The following ZCCHC2 variants were observed in gnomAD, a reference collection of about 807,000 sequenced individuals.
ZCCHC2 encodes the protein zinc finger CCHC domain-containing protein 2.
In ZCCHC2, 39 loss-of-function variants were observed where a neutral mutation model predicts 103.6. The observed-to-expected ratio is 0.38, with a 90% CI of 0.29 to 0.49. The LOEUF is 0.49. ZCCHC2 is among the 20% of genes least tolerant of loss of function. ZCCHC2 has a pLI of 0.96. For missense variants in ZCCHC2, 1,483 were observed against 1,491.0 expected, an observed-to-expected ratio of 0.99 and a Z score of 0.09; for synonymous variants, 687 against 608.9, an observed-to-expected ratio of 1.13 and a Z score of -1.89.
intron 3 of ZCCHC2, among the ~76,000 whole-genome samples, chr18:62,544,146 G>A (rs1184386553): frequency 2.6e-5 from 4 of 152,136 alleles, no homozygotes; most frequent in African/African-American, 4.8e-5. Context: ...GAAAAGCATC[G>A]AGGAGGTAGT....
chr18:62,560,609 C>T lies in ZCCHC2; in HGVS notation c.1515C>T (p.Ile505=). 1 of 1,613,416 alleles carries T rather than the reference C, an allele frequency of 6.2e-7. No homozygotes were observed. Among genetic ancestry groups the T allele is most frequent in the Non-Finnish European group, 8.5e-7 (1 of 1,179,596 alleles). The change falls in exon 8 of 14, where the codon ATC becomes ATT. Residue 505 remains isoleucine, a synonymous_variant. Transcript: ENST00000269499. ...QEEDVLQHAI[I]HKKHTGKSPI... ...TAGATGTGTTGCAGCATGCCATAAT[C>T]CACAAGAAGCATACTGGGAAAAGTC... is the stretch of plus-strand genomic sequence containing the variant.
At chr18:62,584,281 G>A (rs941204281) in intron 14 of ZCCHC2, among the ~76,000 whole-genome samples, 8 of 152,092 alleles carry the variant, frequency 5.3e-5, no homozygotes, top group Non-Finnish European at 1.2e-4. Context: ...TGTGGGGACC[G>A]GAGACCCTTC....
intron 4 of ZCCHC2, among the ~76,000 whole-genome samples, chr18:62,548,584 A>G (rs1915519822): frequency 6.6e-6 from 1 of 152,238 alleles, no homozygotes; most frequent in East Asian, 1.9e-4. Flanking sequence ...CTGTATTAAA[A>G]TGCTAATATC....
intron 1 of ZCCHC2, among the ~76,000 whole-genome samples, chr18:62,534,439 A>G (rs1272043679): frequency 1.3e-5 from 2 of 152,022 alleles, no homozygotes; most frequent in Non-Finnish European, 2.9e-5. Context: ...ATATTAACCT[A>G]TTTTCTTATT....
At chr18:62,525,213 T>C (rs1461792366) in intron 1 of ZCCHC2, 2 of 152,208 alleles carry the variant, frequency 1.3e-5, no homozygotes, top group African/African-American at 4.8e-5. Flanking sequence ...CACCAAAATG[T>C]AGTAGACGAG....
At chr18:62,572,255 A>G (rs1916625555) in intron 12 of ZCCHC2, among the ~76,000 whole-genome samples, 1 of 152,172 alleles carries the variant, frequency 6.6e-6, no homozygotes, top group Non-Finnish European at 1.5e-5. Context: ...AGAATAGACA[A>G]ACTTTCAGTA....
In ZCCHC2 at chr18:62,558,695, C is replaced by G; in HGVS notation, c.1417C>G (p.Gln473Glu). 1.3e-6 allele frequency: 2 copies of G among 1,523,410 alleles called. No homozygotes were observed. Among genetic ancestry groups the G allele is most frequent in the Non-Finnish European group, 1.8e-6 (2 of 1,134,600 alleles). 94.4% of individuals were successfully genotyped at this position (1,523,410 alleles called of 1,614,324 possible). ...TTGAATGCTTCCTGCAGATAACTTA[C>G]AATCCTCTCTGAAGACTTCTAAGAT... ...SDSLHSINNL[Q>E]SSLKTSKILE... The change falls in exon 7 of 14, where the codon CAA (glutamine) becomes GAA (glutamate). Residue 473 changes from glutamine to glutamate, a missense_variant. Transcript: ENST00000269499.
chr18:62,524,700 G>C (rs1914275928), intron 1 of ZCCHC2: 1 of 318,006 alleles, frequency 3.1e-6, no homozygotes, highest in Non-Finnish European at 5.7e-6. Flanking sequence ...TTTTGGCTCT[G>C]AGCATCTCAG....
rs1422233517 is a variant in ZCCHC2 at position 62,524,225 on chromosome 18, G to T, written c.801G>T (p.Ser267=). 16 of 1,549,986 alleles carry T rather than the reference G, an allele frequency of 1.0e-5. 1 individual carries two copies. In the African/African-American group the frequency reaches 1.1e-4, roughly 11 times the overall value. Residue 267 remains serine (S), a synonymous_variant, in exon 1 of 14, where the codon TCG becomes TCT. Coordinates refer to ENST00000269499, the MANE Select transcript of ZCCHC2 (RefSeq NM_017742.6). ...TGCTGCTGCTCTTCACCATGGCCTC[G>T]CTGCACCCGGCTTTCTCCTTCCACC... ...EELLLLFTMA[S]LHPAFSFHQR...
In ZCCHC2 at chr18:62,552,659, G is replaced by A. The variant is rs879892956; in HGVS notation, c.1313+2199G>A. On this transcript the variant is annotated intron_variant, in intron 5 of 13. Transcript: ENST00000269499. ...CATGCCTGTAGTCACAGCCCTTTGC[G>A]AGGCCAAGACAGGAGGATCATTTGA... Among the ~76,000 whole-genome samples the A allele has an allele frequency of 2.6e-5, 4 of 152,076 alleles. No individual in the cohort carries two copies. In the South Asian group the frequency reaches 6.2e-4, roughly 24 times the overall value.
chr18:62,566,201 C>T (rs1394517848), intron 11 of ZCCHC2, among the ~76,000 whole-genome samples: 4 of 152,138 alleles, frequency 2.6e-5, no homozygotes, highest in South Asian at 2.1e-4. Context: ...GCCACGACTG[C>T]GCCATTGCAC....
chr18:62,540,272 C>A (rs190287796), intron 2 of ZCCHC2, among the ~76,000 whole-genome samples: 4 of 152,112 alleles, frequency 2.6e-5, no homozygotes, highest in Non-Finnish European at 4.4e-5. Context: ...GGAATGAATT[C>A]AAATTATTCT....
chr18:62,573,408 G>T (rs1916668326), intron 12 of ZCCHC2, among the ~76,000 whole-genome samples: 1 of 152,146 alleles, frequency 6.6e-6, no homozygotes, highest in Non-Finnish European at 1.5e-5. Context: ...GTTTGTATTT[G>T]CTGTTTTGCT....
rs111915113 is a variant in ZCCHC2 at position 62,567,490 on chromosome 18, A to G, written c.1846+2394A>G. On this transcript the variant is annotated intron_variant, in intron 11 of 13. Coordinates refer to ENST00000269499, the MANE Select transcript of ZCCHC2 (RefSeq NM_017742.6). ...ATGTAGCTCAGAATTTCAAAAGAAA[A>G]CAAAGATCGCTCCCAGCCCTCCTCT... Among the ~76,000 whole-genome samples the G allele has an allele frequency of 4.5e-3, 686 of 152,344 alleles. 1 individual carries two copies. Among genetic ancestry groups the G allele is most frequent in the Non-Finnish European group, 7.0e-3 (474 of 68,030 alleles).
intron 11 of ZCCHC2, among the ~76,000 whole-genome samples, chr18:62,565,982 C>T (rs1427735761): frequency 3.9e-5 from 6 of 152,174 alleles, no homozygotes; most frequent in African/African-American, 1.4e-4. Context: ...CGGTGACTCA[C>T]ACCTGTAATC....
At chr18:62,525,697 C>A (rs1413692657) in intron 1 of ZCCHC2, among the ~76,000 whole-genome samples, 24 of 151,602 alleles carry the variant, frequency 1.6e-4, no homozygotes, top group Admixed American at 1.6e-3. Flanking sequence ...TGTTTTGGGA[C>A]GTATTTTATC....
intron 1 of ZCCHC2, among the ~76,000 whole-genome samples, chr18:62,529,885 T>G (rs1280438454): frequency 6.6e-6 from 1 of 152,220 alleles, no homozygotes; most frequent in East Asian, 1.9e-4. Context: ...GGAAAAATAT[T>G]GCACGTGTAC....
At chr18:62,564,721 T>G in intron 10 of ZCCHC2, 86 bp downstream of exon 10, 1 of 1,043,242 alleles carries the variant, frequency 9.6e-7, no homozygotes, top group Non-Finnish European at 1.4e-6. Context: ...AGTATTTTTT[T>G]AGTTAGTTTT....
intron 11 of ZCCHC2, among the ~76,000 whole-genome samples, chr18:62,566,372 A>G (rs1916364023): frequency 6.6e-6 from 1 of 152,202 alleles, no homozygotes; most frequent in African/African-American, 2.4e-5. Context: ...TGTAACACTT[A>G]CTATCTCTGA....
Sources: allele counts gnomAD v4.1 joint callset (sites outside exome capture counted in the v4.1 genomes callset), GRCh38; gene constraint gnomAD v4.1.1; transcripts MANE v1.5; gene names NCBI Gene and HGNC (gene_info 2026-07-23, HGNC 2026-07-21).